FGD6: variants seen among roughly 807,000 people sequenced by gnomAD.
The protein encoded by FGD6 is FYVE, RhoGEF and PH domain containing 6, also known as FYVE, RhoGEF and PH domain-containing protein 6.
Under a neutral mutation model 149.4 loss-of-function variants are expected in FGD6, and 90 were observed. That is an observed-to-expected ratio of 0.60 (90% confidence interval 0.51 to 0.72). FGD6 has a LOEUF of 0.72. FGD6 is among the 30% of genes least tolerant of loss of function. FGD6 has a pLI of 0.00. For synonymous variants in FGD6, 527 were observed against 584.0 expected, an observed-to-expected ratio of 0.90 and a Z score of 1.41; for missense variants, 1,437 against 1,684.8, an observed-to-expected ratio of 0.85 and a Z score of 2.57.
intron 8 of FGD6, among the ~76,000 whole-genome samples, chr12:95,132,992 T>G (rs959909446): frequency 6.6e-6 from 1 of 152,218 alleles, no homozygotes; most frequent in Admixed American, 6.5e-5. Context: ...AGTACTTCCC[T>G]TTGTCCTGTG....
intron 5 of FGD6, among the ~76,000 whole-genome samples, chr12:95,147,858 A>T (rs1305932843): frequency 6.6e-6 from 1 of 152,160 alleles, no homozygotes; most frequent in South Asian, 2.1e-4. Context: ...TTATTTAACT[A>T]AAGGGGATTT....
intron 8 of FGD6, among the ~76,000 whole-genome samples, chr12:95,115,400 C>CCTT (rs1878976124): frequency 7.7e-6 from 1 of 129,220 alleles, no homozygotes; most frequent in Non-Finnish European, 1.6e-5. Context: ...TCCATGTCTG[C>CCTT]TTTTTTTTTT....
chr12:95,125,806 C>A (rs1387779083), intron 8 of FGD6: 24 of 851,346 alleles, frequency 2.8e-5, no homozygotes, highest in Non-Finnish European at 4.9e-5. Context: ...ACCTACGTCG[C>A]CTTTGGACCT....
intron 9 of FGD6, among the ~76,000 whole-genome samples, chr12:95,109,792 G>T (rs1215815145): frequency 2.0e-5 from 3 of 152,094 alleles, no homozygotes; most frequent in African/African-American, 4.8e-5. Flanking sequence ...AGCCCAGGAG[G>T]TCAAGGCTGC....
Position 95,143,972 on chromosome 12 carries a change from T to C in FGD6, c.2686-2433A>G, listed in dbSNP as rs181347085. Among the ~76,000 whole-genome samples, 10 of 152,290 alleles carry C rather than the reference T, an allele frequency of 6.6e-5. No individual in the cohort carries two copies. In the East Asian group the frequency reaches 1.5e-3, roughly 24 times the overall value. ...CAGCAGGATAACTTTTGTTTCCCAG[T>C]TGGAAGGTATTTCCTCTGCCATGAC... On this transcript the variant is annotated intron_variant, in intron 5 of 20. Coordinates refer to ENST00000343958, the MANE Select transcript of FGD6 (RefSeq NM_018351.4).
intron 8 of FGD6, among the ~76,000 whole-genome samples, chr12:95,114,810 CT>C (rs1878958115): frequency 6.6e-6 from 1 of 152,156 alleles, no homozygotes; most frequent in Admixed American, 6.5e-5. Context: ...TTAAAGCCCC[CT>C]GCTACATGGT....
At chr12:95,105,138 C>T (rs1229080272) in intron 13 of FGD6, 52 bp from the exon 14 acceptor site, 1 of 1,520,122 alleles carries the variant, frequency 6.6e-7, no homozygotes, top group East Asian at 2.2e-5. Flanking sequence ...AAAACCATAT[C>T]AATGAGCTGA....
chr12:95,196,796 T>C (rs1446964424), intron 2 of FGD6, among the ~76,000 whole-genome samples: 3 of 151,768 alleles, frequency 2.0e-5, no homozygotes, highest in Non-Finnish European at 4.4e-5. Flanking sequence ...CATGCCACCA[T>C]GCCTGGCTAA....
intron 15 of FGD6, among the ~76,000 whole-genome samples, chr12:95,093,676 C>CAAAA (rs35498911): frequency 7.3e-6 from 1 of 137,308 alleles, no homozygotes; most frequent in African/African-American, 2.7e-5. Context: ...AACTCTGTCT[C>CAAAA]AAAAAAAAAA....
intron 11 of FGD6, among the ~76,000 whole-genome samples, chr12:95,107,860 T>C (rs1878680661): frequency 6.6e-6 from 1 of 152,174 alleles, no homozygotes; most frequent in Non-Finnish European, 1.5e-5. Flanking sequence ...GGATACTGTA[T>C]GGAGGCACAT....
intron 3 of FGD6, among the ~76,000 whole-genome samples, chr12:95,154,194 T>C (rs952098280): frequency 6.6e-6 from 1 of 152,140 alleles, no homozygotes; most frequent in African/African-American, 2.4e-5. Flanking sequence ...TCTCCTGACC[T>C]TGTGATCTGT....
At chr12:95,203,597 T>A (rs912579460) in intron 2 of FGD6, among the ~76,000 whole-genome samples, 2 of 152,364 alleles carry the variant, frequency 1.3e-5, no homozygotes, top group Admixed American at 6.5e-5. Context: ...TAAATTTCTG[T>A]CACCTCAATG....
intron 8 of FGD6, among the ~76,000 whole-genome samples, chr12:95,123,374 C>T (rs1037899275): frequency 3.9e-5 from 6 of 152,042 alleles, no homozygotes; most frequent in Non-Finnish European, 4.4e-5. Flanking sequence ...GACTTTGACA[C>T]AACCCTGGTC....
At chr12:95,166,737 A>G (rs1422821260) in intron 3 of FGD6, among the ~76,000 whole-genome samples, 1 of 152,038 alleles carries the variant, frequency 6.6e-6, no homozygotes, top group African/African-American at 2.4e-5. Context: ...AAGAAACTCC[A>G]TGCCCATTAT....
chr12:95,211,602 T>C (rs998160812), intron 1 of FGD6, among the ~76,000 whole-genome samples: 2 of 150,860 alleles, frequency 1.3e-5, no homozygotes, highest in African/African-American at 2.4e-5. Context: ...TGCAGTGACA[T>C]GATCTCGGCT....
intron 2 of FGD6, among the ~76,000 whole-genome samples, chr12:95,175,689 A>G (rs547729782): frequency 1.8e-3 from 267 of 151,918 alleles, no homozygotes; most frequent in Non-Finnish European, 3.3e-3. Context: ...AGGTTGCAGT[A>G]CTCAGGAGGC....
At chr12:95,217,187 A>G (rs1449246653) in intron 1 of FGD6, 38 bp downstream of exon 1, 1 of 1,611,960 alleles carries the variant, frequency 6.2e-7, no homozygotes, top group South Asian at 1.1e-5. Context: ...AGCGCTCGCC[A>G]CAAACTTTCC....
At chr12:95,120,885 C>A (rs964625538) in intron 8 of FGD6, among the ~76,000 whole-genome samples, 3 of 151,824 alleles carry the variant, frequency 2.0e-5, no homozygotes, top group African/African-American at 7.3e-5. Context: ...AGTTATCATT[C>A]GAAGGACACA....
In FGD6 at chr12:95,210,168, C is replaced by T; in HGVS notation, c.1116G>A (p.Gln372=). Residue 372 remains glutamine (Q), a synonymous_variant, in exon 2 of 21, where the codon CAG becomes CAA. Transcript: ENST00000343958. ...SVLHQNVLCK[Q]EQVDKMKLGN... ...CTAGCTTCATTTTATCCACCTGTTC[C>T]TGCTTACACAAAACATTCTGATGCA... 6.2e-7 allele frequency: 1 copy of T among 1,613,932 alleles called. No homozygotes were observed. The highest frequency in any genetic ancestry group is 8.5e-7 in the Non-Finnish European group (1 of 1,180,000).
Sources: allele counts gnomAD v4.1 joint callset (sites outside exome capture counted in the v4.1 genomes callset), GRCh38; gene constraint gnomAD v4.1.1; transcripts MANE v1.5; gene names NCBI Gene and HGNC (gene_info 2026-07-23, HGNC 2026-07-21).